The following NECAB1 variants were observed in gnomAD, a reference collection of about 807,000 sequenced individuals.
NECAB1 encodes the protein N-terminal EF-hand calcium binding protein 1.
Under a neutral mutation model 57.5 loss-of-function variants are expected in NECAB1, and 29 were observed. The ratio of observed to expected loss-of-function variants is 0.50; its 90% CI spans 0.38 to 0.69. The LOEUF is 0.69. Among genes scored for constraint, NECAB1 ranks in the 30% least tolerant of loss-of-function variants. The pLI, the probability that NECAB1 is intolerant of heterozygous loss-of-function variation, is 0.00. For missense variants in NECAB1, 372 were observed against 413.8 expected, an observed-to-expected ratio of 0.90 and a Z score of 0.88; for synonymous variants, 142 against 147.7, an observed-to-expected ratio of 0.96 and a Z score of 0.28.
chr8:90,813,267 A>C (rs1216386007), intron 2 of NECAB1: 3 of 151,300 alleles, frequency 2.0e-5, no homozygotes, highest in Admixed American at 1.3e-4. Flanking sequence ...ACACACACAC[A>C]CACACTTGTA....
At chr8:90,933,175 C>G (rs1810450501) in intron 8 of NECAB1, among the ~76,000 whole-genome samples, 1 of 152,106 alleles carries the variant, frequency 6.6e-6, no homozygotes, top group African/African-American at 2.4e-5. Flanking sequence ...GTGGAGATTC[C>G]TTAAAGAACT....
chr8:90,872,401 G>GC, intron 4 of NECAB1: 1 of 364,788 alleles, frequency 2.7e-6, no homozygotes, highest in Non-Finnish European at 4.9e-6. Context: ...CAGTACATTA[G>GC]TTTCGCAAGA....
intron 2 of NECAB1, among the ~76,000 whole-genome samples, chr8:90,807,944 T>G (rs1811882146): frequency 6.6e-6 from 1 of 152,304 alleles, no homozygotes; most frequent in South Asian, 2.1e-4. Context: ...GAGAAACCCA[T>G]GAGTGCAAGT....
rs1028544586 is a variant in NECAB1 at position 90,957,934 on chromosome 8, A to C, written c.*2422A>C. On this transcript the variant is annotated 3_prime_UTR_variant, in exon 13 of 13. Transcript: ENST00000417640. ...AAGCTTGAATCTGGGAAACAAGCTCAAAAAACAGTGAAAAAAAAAGTACTG... is the reference window on the plus strand; with the variant it reads ...AAGCTTGAATCTGGGAAACAAGCTCCAAAAACAGTGAAAAAAAAAGTACTG... 15 of 151,482 alleles carry C rather than the reference A, an allele frequency of 9.9e-5. No individual in the cohort carries two copies. The highest frequency in any genetic ancestry group is 3.4e-4 in the African/African-American group (14 of 41,508). 9.4% of individuals were successfully genotyped at this position (151,482 alleles called of 1,614,324 possible).
Position 90,944,699 on chromosome 8 carries a change from C to T in NECAB1, c.860+3801C>T, listed in dbSNP as rs118048835. ...GGTAGAGCACAATTAAAATCATGTT[C>T]ATGGCCTAAAATTTCATAGTCGTTA... On this transcript the variant is annotated intron_variant, in intron 10 of 12. Transcript: ENST00000417640. 9.2e-5 allele frequency among the ~76,000 whole-genome samples: 14 copies of T among 152,288 alleles called. 1 individual carries two copies. The East Asian group carries it at 1.4e-3, about 15-fold the overall frequency.
At chr8:90,873,035 T>G (rs1426932381) in intron 4 of NECAB1, among the ~76,000 whole-genome samples, 2 of 152,180 alleles carry the variant, frequency 1.3e-5, no homozygotes, top group African/African-American at 4.8e-5. Context: ...GTGGTTATTT[T>G]CCATTTCATC....
At chr8:90,915,867 G>T (rs894334942) in intron 5 of NECAB1, among the ~76,000 whole-genome samples, 2 of 152,188 alleles carry the variant, frequency 1.3e-5, no homozygotes, top group African/African-American at 4.8e-5. Context: ...ATATTTGAGG[G>T]CAGAAAGCAT....
intron 3 of NECAB1, among the ~76,000 whole-genome samples, chr8:90,837,642 T>G (rs1166596026): frequency 6.6e-6 from 1 of 152,204 alleles, no homozygotes; most frequent in Non-Finnish European, 1.5e-5. Context: ...TCATCAAGAA[T>G]CAAATAGGGA....
intron 3 of NECAB1, among the ~76,000 whole-genome samples, chr8:90,868,688 G>C (rs1586071335): frequency 1.3e-5 from 2 of 152,176 alleles, no homozygotes; most frequent in East Asian, 3.8e-4. Flanking sequence ...TCATATATGT[G>C]AACAAAGAGA....
At position 90,913,802 on chromosome 8, in the gene NECAB1, T is replaced by C. The variant is rs1300172863; in HGVS notation, c.358-3690T>C. ...CATATCTGAGAAAAGGGAAGGAAGA[T>C]TGGATCTGTGCCACCCGGGTCTGCA... On this transcript the variant is annotated intron_variant, in intron 5 of 12. Coordinates refer to ENST00000417640, the MANE Select transcript of NECAB1 (RefSeq NM_022351.5). Among the ~76,000 whole-genome samples the C allele has an allele frequency of 5.3e-5, 8 of 152,320 alleles. No homozygotes were observed. In the East Asian group the frequency reaches 1.4e-3, roughly 26 times the overall value.
rs1367835116 is a variant in NECAB1, at chr8:90,938,219, A to G, written c.748-2567A>G. Among the ~76,000 whole-genome samples the G allele has an allele frequency of 2.6e-5, 4 of 152,334 alleles. No homozygotes were observed. In the East Asian group the frequency reaches 7.7e-4, roughly 29 times the overall value. On this transcript the variant is annotated intron_variant, in intron 9 of 12. Coordinates refer to ENST00000417640, the MANE Select transcript of NECAB1 (RefSeq NM_022351.5). ...GACTGGCCTTTCATACTTACACAGC[A>G]CTATTTAGTCCAAGACATTCCAAAT...
At chr8:90,829,258 A>C (rs1354009838) in intron 3 of NECAB1, among the ~76,000 whole-genome samples, 1 of 152,104 alleles carries the variant, frequency 6.6e-6, no homozygotes, top group South Asian at 2.1e-4. Context: ...ACACCAGTTA[A>C]AGAGCAAGAA....
At chr8:90,811,437 C>T (rs774066653) in intron 2 of NECAB1, among the ~76,000 whole-genome samples, 3 of 152,026 alleles carry the variant, frequency 2.0e-5, no homozygotes, top group Non-Finnish European at 4.4e-5. Context: ...GATAGGATGG[C>T]CTAGGAAGGC....
chr8:90,925,748 A>G, intron 7 of NECAB1, 92 bp downstream of exon 7: 1 of 1,501,570 alleles, frequency 6.7e-7, no homozygotes, highest in Non-Finnish European at 9.1e-7. Flanking sequence ...ATAAGACAAT[A>G]GTAATGGAAC....
At chr8:90,833,734 C>G (rs1213986258) in intron 3 of NECAB1, among the ~76,000 whole-genome samples, 1 of 152,166 alleles carries the variant, frequency 6.6e-6, no homozygotes, top group Non-Finnish European at 1.5e-5. Context: ...CCCAATCTCT[C>G]TAAAATACAT....
intron 5 of NECAB1, among the ~76,000 whole-genome samples, chr8:90,884,070 G>T (rs575796400): frequency 1.3e-5 from 2 of 152,240 alleles, no homozygotes; most frequent in Admixed American, 1.3e-4. Context: ...ATAATTATTT[G>T]GGGTTTGTTA....
chr8:90,806,100 T>A (rs1434254574), intron 2 of NECAB1, among the ~76,000 whole-genome samples: 1 of 152,206 alleles, frequency 6.6e-6, no homozygotes, highest in Admixed American at 6.5e-5. Context: ...AATGAAAAGC[T>A]TCATAGTAGT....
intron 5 of NECAB1, among the ~76,000 whole-genome samples, chr8:90,910,127 A>G (rs1809792236): frequency 6.6e-6 from 1 of 151,650 alleles, no homozygotes; most frequent in Non-Finnish European, 1.5e-5. Context: ...CTTTTCTTCC[A>G]TTACTAATTC....
chr8:90,921,749 TC>T (rs1203323460), intron 6 of NECAB1, among the ~76,000 whole-genome samples: 1 of 152,202 alleles, frequency 6.6e-6, no homozygotes, highest in Non-Finnish European at 1.5e-5. Flanking sequence ...TAATTTGCTT[TC>T]CCTTCAGCAT....
Sources: gnomAD v4.1 joint callset for allele counts (sites outside exome capture counted in the v4.1 genomes callset) on GRCh38, gnomAD v4.1.1 for gene constraint, MANE v1.5 for transcripts, NCBI Gene and HGNC (gene_info 2026-07-23, HGNC 2026-07-21) for gene names.